Variants in SLC16A10 observed in about 807,000 individuals in gnomAD.
The protein encoded by SLC16A10 is monocarboxylate transporter 10.
Under a neutral mutation model 40.0 loss-of-function variants are expected in SLC16A10, and 27 were observed. The observed-to-expected ratio is 0.67, with a 90% CI of 0.50 to 0.93. The LOEUF (loss-of-function observed/expected upper bound fraction) is 0.93. SLC16A10 is among the 40% of genes least tolerant of loss of function. The pLI is 0.00. For missense variants in SLC16A10, 529 were observed against 658.2 expected (o/e 0.80, Z 2.15); for synonymous variants, 213 against 249.8 (o/e 0.85, Z 1.39).
intron 1 of SLC16A10, among the ~76,000 whole-genome samples, chr6:111,141,323 A>G (rs1057169569): frequency 2.6e-5 from 4 of 152,366 alleles, no homozygotes; most frequent in South Asian, 4.1e-4. Context: ...AGATTAAAAA[A>G]TAAAATATAA....
intron 1 of SLC16A10, among the ~76,000 whole-genome samples, 187 bp downstream of exon 1, chr6:111,088,282 T>G (rs1287548721): frequency 6.6e-6 from 1 of 152,094 alleles, no homozygotes; most frequent in Non-Finnish European, 1.5e-5. Context: ...GGGGTGCCCG[T>G]CTTTATATGG....
intron 1 of SLC16A10, among the ~76,000 whole-genome samples, chr6:111,150,113 T>C (rs1261251669): frequency 6.6e-6 from 1 of 152,230 alleles, no homozygotes; most frequent in Non-Finnish European, 1.5e-5. Context: ...AAGTGGGACC[T>C]TTCAGAGTTG....
chr6:111,092,461 G>A (rs1174778902), intron 1 of SLC16A10, among the ~76,000 whole-genome samples: 4 of 151,126 alleles, frequency 2.6e-5, no homozygotes, highest in Admixed American at 6.6e-5. Flanking sequence ...GACTACCTGC[G>A]CTTGCCACCA....
rs1583346116 is a variant in SLC16A10, at chr6:111,177,564, A to C, written c.841A>C (p.Lys281Gln). 3 of 1,612,654 alleles carry C rather than the reference A, an allele frequency of 1.9e-6. No homozygotes were observed. The highest frequency in any genetic ancestry group is 1.7e-6 in the Non-Finnish European group (2 of 1,179,486). ...CAGGAAAAAGTTCAGTCCTCCAAAA[A>C]AAATTTTCAATTTTGCCATCTTCAA... is the stretch of plus-strand genomic sequence containing the variant. Reference protein sequence around the residue: ...FSRKKFSPPKKIFNFAIFKVT... With the variant: ...FSRKKFSPPKQIFNFAIFKVT... The change falls in exon 3 of 6, where the codon AAA (lysine) becomes CAA (glutamine). Residue 281 changes from lysine to glutamine, a missense_variant. Coordinates refer to ENST00000368851, the MANE Select transcript of SLC16A10 (RefSeq NM_018593.5).
intron 1 of SLC16A10, among the ~76,000 whole-genome samples, chr6:111,150,280 A>C (rs913183080): frequency 6.6e-6 from 1 of 152,240 alleles, no homozygotes; most frequent in Admixed American, 6.5e-5. Flanking sequence ...CCCTTACCAG[A>C]CACTGGCTCC....
intron 3 of SLC16A10, among the ~76,000 whole-genome samples, chr6:111,182,310 CTTTTTTTT>C (rs372963281): frequency 9.7e-6 from 1 of 103,624 alleles, no homozygotes; most frequent in Admixed American, 1.2e-4. Flanking sequence ...CTCTGGGTTT[CTTTTTTTT>C]TTTTTTTTTT....
Position 111,227,942 on chromosome 6 carries a change from G to A in SLC16A10, c.*5707G>A, listed in dbSNP as rs150824723. On this transcript the variant is annotated 3_prime_UTR_variant, in exon 6 of 6. Coordinates refer to ENST00000368851, the MANE Select transcript of SLC16A10 (RefSeq NM_018593.5). ...GGTGATTCTGGGATTAAAAAGCAAGGGGGGTGCAAATTGTTAGTGGGGTCA... is the reference window on the plus strand; with the variant it reads ...GGTGATTCTGGGATTAAAAAGCAAGAGGGGTGCAAATTGTTAGTGGGGTCA... 2.0e-5 allele frequency: 3 copies of A among 152,234 alleles called. 1 individual carries two copies. Among genetic ancestry groups the A allele is most frequent in the African/African-American group, 7.2e-5 (3 of 41,544 alleles). 9.4% of individuals were successfully genotyped at this position (152,234 alleles called of 1,614,324 possible).
chr6:111,162,856 T>C (rs1201247485), intron 1 of SLC16A10, among the ~76,000 whole-genome samples: 1 of 152,110 alleles, frequency 6.6e-6, no homozygotes. Context: ...TTCTATTAGT[T>C]CAGTACATTC....
At chr6:111,204,595 A>C (rs943541996) in intron 3 of SLC16A10, among the ~76,000 whole-genome samples, 4 of 152,230 alleles carry the variant, frequency 2.6e-5, no homozygotes, top group African/African-American at 4.8e-5. Flanking sequence ...ACATGTTGGC[A>C]TGTTTAAGTG....
At chr6:111,173,426 T>A (rs928191994) in intron 2 of SLC16A10, 1 of 152,380 alleles carries the variant, frequency 6.6e-6, no homozygotes. Flanking sequence ...GTACTTCTCC[T>A]GTATCTATTA....
At chr6:111,198,798 A>C (rs1773120379) in intron 3 of SLC16A10, among the ~76,000 whole-genome samples, 1 of 152,240 alleles carries the variant, frequency 6.6e-6, no homozygotes, top group Non-Finnish European at 1.5e-5. Context: ...CATTTAGCCG[A>C]TAGGTGACTT....
intron 1 of SLC16A10, among the ~76,000 whole-genome samples, chr6:111,168,792 T>C (rs528475088): frequency 1.4e-4 from 21 of 152,322 alleles, no homozygotes; most frequent in African/African-American, 5.1e-4. Flanking sequence ...TTATGTGGCT[T>C]TTTAAAGTAG....
chr6:111,203,569 A>G (rs1218757649), intron 3 of SLC16A10, among the ~76,000 whole-genome samples: 1 of 151,896 alleles, frequency 6.6e-6, no homozygotes, highest in Non-Finnish European at 1.5e-5. Flanking sequence ...TAAAAATACA[A>G]AAATTAGCTG....
At chr6:111,122,573 G>C (rs1486549933) in intron 1 of SLC16A10, among the ~76,000 whole-genome samples, 1 of 152,174 alleles carries the variant, frequency 6.6e-6, no homozygotes, top group East Asian at 1.9e-4. Flanking sequence ...TGCAGACCTA[G>C]CACCTGCTTT....
intron 1 of SLC16A10, among the ~76,000 whole-genome samples, chr6:111,103,767 A>G (rs1345170147): frequency 1.3e-5 from 2 of 152,050 alleles, no homozygotes; most frequent in Non-Finnish European, 1.5e-5. Flanking sequence ...AGATTGGGAG[A>G]CTTTTCTCAG....
At chr6:111,142,977 C>T (rs1293729847) in intron 1 of SLC16A10, among the ~76,000 whole-genome samples, 2 of 152,172 alleles carry the variant, frequency 1.3e-5, no homozygotes, top group Admixed American at 1.3e-4. Context: ...AGATGTCCTT[C>T]AATAGGTAAA....
chr6:111,160,004 G>C (rs902775285), intron 1 of SLC16A10, among the ~76,000 whole-genome samples: 1 of 151,942 alleles, frequency 6.6e-6, no homozygotes, highest in East Asian at 1.9e-4. Flanking sequence ...TGAGAATTTT[G>C]TATGTAATTT....
At position 111,087,794 on chromosome 6, in the gene SLC16A10, G is replaced by C. The variant is rs1206068464; in HGVS notation, c.42G>C (p.Thr14=). The change falls in exon 1 of 6, where the codon ACG becomes ACC. Residue 14 remains threonine (T), a synonymous_variant. Coordinates refer to ENST00000368851, the MANE Select transcript of SLC16A10 (RefSeq NM_018593.5). The part of the protein sequence containing the change: ...SQEEPDSARG[T]SEAQPLGPAP... ...AGGAGCCGGACTCCGCGCGGGGCAC[G>C]AGCGAGGCGCAGCCGCTCGGCCCCG... is the stretch of plus-strand genomic sequence containing the variant. The C allele has an allele frequency of 7.9e-7, 1 of 1,261,760 alleles. No individual in the cohort carries two copies. The highest frequency in any genetic ancestry group is 9.9e-7 in the Non-Finnish European group (1 of 1,009,092). The allele number at this position is 1,261,760 out of a possible 1,614,324, so 78.2% of individuals were successfully genotyped here.
chr6:111,128,776 A>G (rs1010580765), intron 1 of SLC16A10, among the ~76,000 whole-genome samples: 1 of 152,090 alleles, frequency 6.6e-6, no homozygotes, highest in Non-Finnish European at 1.5e-5. Flanking sequence ...CACAGACTAT[A>G]ATAATAATTA....
Sources: gnomAD v4.1 joint callset for allele counts (sites outside exome capture counted in the v4.1 genomes callset) on GRCh38, gnomAD v4.1.1 for gene constraint, MANE v1.5 for transcripts, NCBI Gene and HGNC (gene_info 2026-07-23, HGNC 2026-07-21) for gene names.